Variants in GSR observed in about 807,000 individuals in gnomAD.
GSR encodes glutathione-disulfide reductase, also known as glutathione reductase, mitochondrial.
In GSR, 48 loss-of-function variants were observed where a neutral mutation model predicts 56.5. That is an observed-to-expected ratio of 0.85 (90% CI 0.67 to 1.08). The LOEUF is 1.08. Among genes scored for constraint, GSR ranks in the 50% least tolerant of loss-of-function variants. The pLI, the probability that GSR is intolerant of heterozygous loss-of-function variation, is 0.00. For missense variants in GSR, 694 were observed against 703.3 expected (o/e 0.99, Z 0.15); for synonymous variants, 264 against 270.8 (o/e 0.97, Z 0.25).
intron 1 of GSR, among the ~76,000 whole-genome samples, chr8:30,716,884 A>T (rs1804350054): frequency 6.6e-6 from 1 of 152,046 alleles, no homozygotes; most frequent in Non-Finnish European, 1.5e-5. Context: ...TCGCTCACCC[A>T]TCCCCTCTGC....
chr8:30,698,910 T>A (rs754935029), intron 6 of GSR, among the ~76,000 whole-genome samples: 5 of 152,116 alleles, frequency 3.3e-5, no homozygotes, highest in Non-Finnish European at 7.3e-5. Context: ...GACAGGAGCA[T>A]CCCTCTAAAC....
chr8:30,722,857 G>C (rs1195899676), intron 1 of GSR, among the ~76,000 whole-genome samples: 2 of 151,842 alleles, frequency 1.3e-5, no homozygotes, highest in Non-Finnish European at 2.9e-5. Flanking sequence ...CTGGGTAATT[G>C]TTTTCAGCCT....
intron 1 of GSR, among the ~76,000 whole-genome samples, chr8:30,723,968 C>T (rs1804643015): frequency 6.6e-6 from 1 of 152,178 alleles, no homozygotes. Flanking sequence ...CTGCTAGACA[C>T]ACATTCTAAT....
Position 30,696,470 on chromosome 8 carries a change from G to A in GSR, c.705C>T (p.Val235=), listed in dbSNP as rs1361736497. 5 of 1,611,118 alleles carry A rather than the reference G, an allele frequency of 3.1e-6. No individual in the cohort carries two copies. The highest frequency in any genetic ancestry group is 4.2e-6 in the Non-Finnish European group (5 of 1,177,300). The change falls in exon 7 of 13, where the codon GTC becomes GTT. Residue 235 remains valine (V), a synonymous_variant. Transcript: ENST00000221130. ...CAGCAATGTAACCTGCACCAACAAT[G>A]ACGCTGCGGCTGAGACGCGAGCAGA... ...FQLEELPGRS[V]IVGAGYIAVE...
chr8:30,700,489 C>A (rs1445906866), intron 5 of GSR, among the ~76,000 whole-genome samples: 1 of 151,896 alleles, frequency 6.6e-6, no homozygotes, highest in Non-Finnish European at 1.5e-5. Context: ...ACCGTTCCTG[C>A]CTGAAAAGAC....
chr8:30,680,381 G>GTTTTGTTTTT (rs1480095900), intron 12 of GSR, among the ~76,000 whole-genome samples: 6 of 33,378 alleles, frequency 1.8e-4, no homozygotes, highest in Non-Finnish European at 1.9e-4. Flanking sequence ...GGCCTCTCCT[G>GTTTTGTTTTT]TTTTTTTTTT....
At chr8:30,682,785 C>A (rs922012373) in intron 10 of GSR, among the ~76,000 whole-genome samples, 1 of 151,738 alleles carries the variant, frequency 6.6e-6, no homozygotes, top group Non-Finnish European at 1.5e-5. Flanking sequence ...CAGGCATGAG[C>A]CACTGCGCCT....
At chr8:30,681,903 A>G in intron 11 of GSR, 27 bp downstream of exon 11, 1 of 1,611,132 alleles carries the variant, frequency 6.2e-7, no homozygotes, top group South Asian at 1.1e-5. Flanking sequence ...GGAAACCACA[A>G]ATGACCTTCA....
At position 30,718,891 on chromosome 8, in the gene GSR, C is replaced by T. The variant is rs187875725; in HGVS notation, c.307-6803G>A. Among the ~76,000 whole-genome samples, 84 of 150,128 alleles carry T rather than the reference C, an allele frequency of 5.6e-4. No individual in the cohort carries two copies. In the East Asian group the frequency reaches 0.014, roughly 25 times the overall value. On this transcript the variant is annotated intron_variant, in intron 1 of 12. Coordinates refer to ENST00000221130, the MANE Select transcript of GSR (RefSeq NM_000637.5). ...TCCCGAGTAGCTGAGATTATAGGCA[C>T]GCACCACTATGCCCTGCTAAGGTGT...
chr8:30,697,400 C>T (rs961332439), intron 6 of GSR, among the ~76,000 whole-genome samples: 6 of 147,164 alleles, frequency 4.1e-5, no homozygotes, highest in Non-Finnish European at 7.5e-5. Context: ...GGAAACAGAG[C>T]GAGACTCTGT....
At position 30,703,145 on chromosome 8, in the gene GSR, G is replaced by A. The variant is rs199691620; in HGVS notation, c.588C>T (p.Ile196=). 27 of 1,614,138 alleles carry A rather than the reference G, an allele frequency of 1.7e-5. No homozygotes were observed. Among genetic ancestry groups the A allele is most frequent in the Non-Finnish European group, 6.8e-6 (8 of 1,179,994 alleles). Residue 196 remains isoleucine, a synonymous_variant, in exon 5 of 13, where the codon ATC becomes ATT. Transcript: ENST00000221130. ...AGGGCATACCACCTGTGGCGATCAGGATGTGTGGGGCGGTGTACTTTTTCC... is the reference window on the plus strand; with the variant it reads ...AGGGCATACCACCTGTGGCGATCAGAATGTGTGGGGCGGTGTACTTTTTCC... ...VSGKKYTAPH[I]LIATGGMPST... is the part of the protein sequence containing the mutation.
At position 30,708,287 on chromosome 8, in the gene GSR, T is replaced by C. The variant is rs905123987; in HGVS notation, c.423-146A>G. The C allele has an allele frequency of 2.1e-5, 15 of 718,902 alleles. No individual in the cohort carries two copies. The African/African-American group carries it at 2.1e-4, about 10-fold the overall frequency. The allele number at this position is 718,902 out of a possible 1,614,324, so 44.5% of individuals were successfully genotyped here. The stretch of plus-strand genomic sequence containing the variant: ...GAGTGAATGTCTCCGAAGACAGTCA[T>C]CCCTTCCCTGTGTCATTCTGCTGCC... On this transcript the variant is annotated intron_variant, in intron 3 of 12. Transcript: ENST00000221130.
chr8:30,699,014 G>A (rs1013913197), intron 6 of GSR, among the ~76,000 whole-genome samples: 1 of 152,142 alleles, frequency 6.6e-6, no homozygotes, highest in South Asian at 2.1e-4. Flanking sequence ...CATTCAGCAC[G>A]GTGGCCCATG....
chr8:30,706,418 G>C (rs750540662), intron 4 of GSR, among the ~76,000 whole-genome samples: 13 of 152,090 alleles, frequency 8.5e-5, no homozygotes, highest in African/African-American at 3.1e-4. Flanking sequence ...CACAAGAATT[G>C]CTTGAACCTG....
chr8:30,699,291 T>TA (rs922563449), intron 6 of GSR, among the ~76,000 whole-genome samples: 38 of 145,818 alleles, frequency 2.6e-4, no homozygotes, highest in African/African-American at 4.0e-4. Flanking sequence ...ACCCTGTCTC[T>TA]AAAAAAAAAA....
chr8:30,702,981 C>T, intron 5 of GSR, 112 bp downstream of exon 5: 1 of 1,126,718 alleles, frequency 8.9e-7, no homozygotes, highest in Non-Finnish European at 1.4e-6. Flanking sequence ...TCTCCCATGG[C>T]CTGGCTCCAA....
At chr8:30,723,842 C>T (rs1255497319) in intron 1 of GSR, among the ~76,000 whole-genome samples, 5 of 151,838 alleles carry the variant, frequency 3.3e-5, no homozygotes, top group Non-Finnish European at 7.4e-5. Context: ...GGACCTAGTA[C>T]AGGAGACTGG....
At chr8:30,680,686 C>A (rs533225973) in intron 12 of GSR, among the ~76,000 whole-genome samples, 1 of 152,028 alleles carries the variant, frequency 6.6e-6, no homozygotes, top group Non-Finnish European at 1.5e-5. Context: ...TGAGCCACCA[C>A]GCCTGGCATC....
chr8:30,715,412 T>C (rs1219418473), intron 1 of GSR, among the ~76,000 whole-genome samples: 6 of 152,016 alleles, frequency 3.9e-5, no homozygotes, highest in South Asian at 2.1e-4. Flanking sequence ...CTGGGATAAA[T>C]AGAATAAGCC....
Sources: gnomAD v4.1 joint callset for allele counts (sites outside exome capture counted in the v4.1 genomes callset) on GRCh38, gnomAD v4.1.1 for gene constraint, MANE v1.5 for transcripts, NCBI Gene and HGNC (gene_info 2026-07-23, HGNC 2026-07-21) for gene names.